Variants in EMSY observed in about 807,000 individuals in gnomAD.
EMSY encodes the protein BRCA2-interacting transcriptional repressor EMSY.
A neutral mutation model predicts 134.6 loss-of-function variants in EMSY; 26 were observed. That is an observed-to-expected ratio of 0.19 (90% CI 0.14 to 0.27). The LOEUF is 0.27. Among genes scored for constraint, EMSY ranks in the 10% least tolerant of loss-of-function variants. The probability of loss-of-function intolerance (pLI) is 1.00; values close to 1 mark genes in which losing one functional copy is unlikely to be tolerated. For synonymous variants in EMSY, 579 were observed against 577.8 expected, an observed-to-expected ratio of 1.00 and a Z score of -0.03; for missense variants, 1,305 against 1,611.4, an observed-to-expected ratio of 0.81 and a Z score of 3.26.
intron 10 of EMSY, 121 bp downstream of exon 11, chr11:76,513,656 C>G: frequency 9.3e-7 from 1 of 1,070,030 alleles, no homozygotes; most frequent in Non-Finnish European, 1.3e-6. Context: ...TTCAAAGAGG[C>G]CTTTCTTGAT....
rs1449405352 is a variant in EMSY at position 76,464,671 on chromosome 11, A to G, written c.831+591A>G. Among the ~76,000 whole-genome samples the G allele has an allele frequency of 3.3e-5, 5 of 152,134 alleles. No homozygotes were observed. The East Asian group carries it at 7.7e-4, about 23-fold the overall frequency. On this transcript the variant is annotated intron_variant, in intron 7 of 20. Coordinates refer to ENST00000334736, the Ensembl canonical transcript of EMSY. ...GGCTCTCTAGGCTTGTTGTACACCT[A>G]TATTTCTGGGATCTCTCTTTAACCA...
At chr11:76,478,633 G>A (rs868638477) in intron 8 of EMSY, among the ~76,000 whole-genome samples, 7 of 151,670 alleles carry the variant, frequency 4.6e-5, no homozygotes, top group African/African-American at 7.3e-5. Context: ...GAGCCACCGC[G>A]CCCGGCCGTG....
In EMSY at chr11:76,446,923, C is replaced by T. The variant is rs370227811; in HGVS notation, c.-16C>T. ...AGGGAGGACAAGCTCTTTGGGGCTA[C>T]CAAACAGAAGCAGCAATGCCTGTTG... On this transcript the variant is annotated 5_prime_UTR_variant, in exon 2 of 21. Coordinates refer to ENST00000334736, the Ensembl canonical transcript of EMSY. 5.6e-6 allele frequency: 9 copies of T among 1,609,678 alleles called. No homozygotes were observed. In the African/African-American group the frequency reaches 1.2e-4, roughly 22 times the overall value.
At chr11:76,535,830 G>GT (rs202063699) in intron 14 of EMSY, 65 bp from the exon 16 acceptor site, 123,198 of 815,910 alleles carry the variant, frequency 0.15, 25 homozygotes, top group East Asian at 0.19. Context: ...AAAATTGTTT[G>GT]TTTTTTTTTT....
At position 76,454,804 on chromosome 11, in the gene EMSY, T is replaced by G. The variant is rs750320493; in HGVS notation, c.245+1416T>G. 3 of 1,434,176 alleles carry G rather than the reference T, an allele frequency of 2.1e-6. No individual in the cohort carries two copies. Among genetic ancestry groups the G allele is most frequent in the Non-Finnish European group, 2.8e-6 (3 of 1,068,234 alleles). 88.8% of individuals were successfully genotyped at this position (1,434,176 alleles called of 1,614,324 possible). A position where few individuals can be genotyped will look rare whatever the true frequency, so the allele number is the denominator to read the frequency against. ...ACCAAGTTACAGGTATGCAAATAGG[T>G]TATTATTATTTCAGGCTTTTTCTTG... On this transcript the variant is annotated intron_variant, in intron 4 of 20. Coordinates refer to ENST00000334736, the Ensembl canonical transcript of EMSY.
rs374648684 is a variant in EMSY at position 76,545,368 on chromosome 11, G to A, written c.3274-429G>A. 1.2e-4 allele frequency among the ~76,000 whole-genome samples: 18 copies of A among 152,062 alleles called. No homozygotes were observed. The East Asian group carries it at 2.7e-3, about 23-fold the overall frequency. ...TGGCTCTGGAGTGATGTATATGTATGTATATATTATAAATACATATATATA... is the reference window on the plus strand; with the variant it reads ...TGGCTCTGGAGTGATGTATATGTATATATATATTATAAATACATATATATA... On this transcript the variant is annotated intron_variant, in intron 19 of 20. Coordinates refer to ENST00000334736, the Ensembl canonical transcript of EMSY.
intron 2 of EMSY, 65 bp downstream of exon 2, chr11:76,447,073 A>G: frequency 6.7e-7 from 1 of 1,489,478 alleles, no homozygotes; most frequent in Non-Finnish European, 9.3e-7. Context: ...TGCCTAGGTC[A>G]TAGCTGTTTG....
chr11:76,494,711 CTTCCTTCCTTCCTTCCTTCCTTCCT>C, intron 8 of EMSY, among the ~76,000 whole-genome samples: 7 of 77,334 alleles, frequency 9.1e-5, no homozygotes, highest in African/African-American at 1.5e-4. Flanking sequence ...TCCTTCCTTC[CTTCCTTCCTTCCTTCCTTCCTTCCT>C]TTCCTTCCTT....
chr11:76,535,766 G>A (rs1951200222), intron 14 of EMSY, 129 bp from the exon 16 acceptor site: 1 of 680,300 alleles, frequency 1.5e-6, no homozygotes, highest in Admixed American at 3.8e-5. Flanking sequence ...TAGTCTTCTT[G>A]GGGAGATAAA....
intron 7 of EMSY, among the ~76,000 whole-genome samples, chr11:76,464,458 G>A (rs1235947184): frequency 6.6e-6 from 1 of 152,206 alleles, no homozygotes; most frequent in Non-Finnish European, 1.5e-5. Flanking sequence ...GTTGTCAGGT[G>A]TTTCATAGAA....
chr11:76,521,388 T>A (rs764893108), intron 11 of EMSY, among the ~76,000 whole-genome samples: 3 of 152,184 alleles, frequency 2.0e-5, no homozygotes, highest in Admixed American at 6.5e-5. Context: ...TCATCCACTG[T>A]GCTAAGCACT....
At chr11:76,462,408 G>A (rs998701517) in intron 6 of EMSY, among the ~76,000 whole-genome samples, 1 of 152,164 alleles carries the variant, frequency 6.6e-6, no homozygotes, top group African/African-American at 2.4e-5. Flanking sequence ...ACCTAACTTT[G>A]TATGTGCAAG....
intron 15 of EMSY, among the ~76,000 whole-genome samples, chr11:76,536,565 T>C (rs993721132): frequency 6.6e-6 from 1 of 152,226 alleles, no homozygotes; most frequent in African/African-American, 2.4e-5. Context: ...TTGAATAGTA[T>C]AGGTTAGCCA....
intron 20 of EMSY, 87 bp from the exon 22 acceptor site, chr11:76,549,865 C>CTTTT: frequency 1.4e-5 from 14 of 992,732 alleles, no homozygotes; most frequent in South Asian, 5.8e-5. Flanking sequence ...TGTCAGTTTT[C>CTTTT]TTTTTTTTTT....
chr11:76,448,933 T>C (rs1021900760), intron 2 of EMSY, among the ~76,000 whole-genome samples: 1 of 152,262 alleles, frequency 6.6e-6, no homozygotes, highest in Non-Finnish European at 1.5e-5. Flanking sequence ...ATATACTGAA[T>C]GTGTCAGTGC....
chr11:76,487,863 G>T (rs972229813), intron 8 of EMSY, among the ~76,000 whole-genome samples: 1 of 152,140 alleles, frequency 6.6e-6, no homozygotes, highest in Non-Finnish European at 1.5e-5. Flanking sequence ...CAAAGATTTT[G>T]GATAAGTGAT....
chr11:76,482,828 T>A (rs932150140), intron 8 of EMSY, among the ~76,000 whole-genome samples: 6 of 152,148 alleles, frequency 3.9e-5, no homozygotes, highest in Non-Finnish European at 7.4e-5. Context: ...GAAACACTCT[T>A]CAGCATATTA....
In EMSY at chr11:76,529,107, G is replaced by A. The variant is rs561031884; in HGVS notation, c.2194+641G>A. 4.6e-5 allele frequency among the ~76,000 whole-genome samples: 7 copies of A among 152,204 alleles called. No homozygotes were observed. The East Asian group carries it at 9.6e-4, about 21-fold the overall frequency. On this transcript the variant is annotated intron_variant, in intron 14 of 20. Transcript: ENST00000334736. ...TGTTTGAATTATGTTACTCTTCTAC[G>A]AAACCTCTTGAAATAAACTCATGAT...
At chr11:76,464,741 G>C (rs1305083703) in intron 7 of EMSY, among the ~76,000 whole-genome samples, 1 of 152,134 alleles carries the variant, frequency 6.6e-6, no homozygotes, top group East Asian at 1.9e-4. Context: ...TTTTGCCAGA[G>C]CATATCCTCC....
Sources: allele counts gnomAD v4.1 joint callset (sites outside exome capture counted in the v4.1 genomes callset), GRCh38; gene constraint gnomAD v4.1.1; transcripts MANE v1.5; gene names NCBI Gene and HGNC (gene_info 2026-07-23, HGNC 2026-07-21).